ACVR1: variants seen among roughly 807,000 people sequenced by gnomAD.
ACVR1 encodes the protein activin A receptor type 1, also known as activin receptor type-1.
Under a neutral mutation model 57.1 loss-of-function variants are expected in ACVR1, and 38 were observed. The observed-to-expected ratio is 0.67, with a 90% CI of 0.51 to 0.87. The LOEUF (loss-of-function observed/expected upper bound fraction) is 0.87, where lower values mean the gene tolerates loss of function less well. Ranked by LOEUF, ACVR1 falls within the 40% of genes least tolerant of loss-of-function variation. ACVR1 has a pLI of 0.00. For synonymous variants in ACVR1, 212 were observed against 228.1 expected, an observed-to-expected ratio of 0.93 and a Z score of 0.63; for missense variants, 463 against 638.2, an observed-to-expected ratio of 0.73 and a Z score of 2.96.
intron 3 of ACVR1, among the ~76,000 whole-genome samples, chr2:157,783,662 T>C (rs896383400): frequency 7.9e-5 from 12 of 152,166 alleles, no homozygotes; most frequent in Admixed American, 2.6e-4. Context: ...AAGACAACTG[T>C]TAATGATACG....
At chr2:157,872,376 G>A (rs1369885996) in intron 1 of ACVR1, among the ~76,000 whole-genome samples, 2 of 152,172 alleles carry the variant, frequency 1.3e-5, no homozygotes, top group Non-Finnish European at 2.9e-5. Flanking sequence ...AAAGGAAGGT[G>A]TCTTAACACT....
At chr2:157,868,118 G>A (rs925987450) in intron 1 of ACVR1, among the ~76,000 whole-genome samples, 3 of 152,024 alleles carry the variant, frequency 2.0e-5, no homozygotes, top group African/African-American at 7.2e-5. Context: ...TGTTCCTTTC[G>A]GTTGTCTAAG....
intron 1 of ACVR1, among the ~76,000 whole-genome samples, chr2:157,846,591 G>C (rs1689133049): frequency 6.6e-6 from 1 of 152,074 alleles, no homozygotes. Context: ...CCATATGAAG[G>C]AATCAGAGAG....
chr2:157,871,835 T>C (rs1301516706), intron 1 of ACVR1, among the ~76,000 whole-genome samples: 3 of 152,226 alleles, frequency 2.0e-5, no homozygotes, highest in Non-Finnish European at 4.4e-5. Flanking sequence ...AATATCTTAT[T>C]AGTTAATTTT....
At chr2:157,832,300 T>G (rs1260127420) in intron 1 of ACVR1, among the ~76,000 whole-genome samples, 1 of 152,128 alleles carries the variant, frequency 6.6e-6, no homozygotes, top group Non-Finnish European at 1.5e-5. Flanking sequence ...ATAATTAAAA[T>G]GAAATTAAAT....
At chr2:157,857,047 A>T (rs1471014660) in intron 1 of ACVR1, among the ~76,000 whole-genome samples, 2 of 152,006 alleles carry the variant, frequency 1.3e-5, no homozygotes, top group African/African-American at 4.8e-5. Flanking sequence ...AAAAATACAA[A>T]AATTAGCCAG....
Position 157,737,552 on chromosome 2 carries a change from G to T in ACVR1, c.1509C>A (p.Asp503Glu). Residue 503 changes from aspartate (D) to glutamate (E), a missense_variant, in exon 11 of 11, where the codon GAC (aspartate) becomes GAA (glutamate). This residue lies in a region of ACVR1 where 146 missense variants were observed against 186.6 expected (regional missense o/e 0.78). Coordinates refer to ENST00000434821, the MANE Select transcript of ACVR1 (RefSeq NM_001111067.4). ...AATGTCAACAGTCAGTTTTCAATTT[G>T]TCGAGGGAATTATCAATTTTGGTCA... ...KTLTKIDNSL[D>E]KLKTDC 1.2e-6 allele frequency: 2 copies of T among 1,614,032 alleles called. No homozygotes were observed. Among genetic ancestry groups the T allele is most frequent in the African/African-American group, 2.7e-5 (2 of 75,008 alleles).
At position 157,873,575 on chromosome 2, in the gene ACVR1, T is replaced by C. The variant is rs184832231; in HGVS notation, c.-183+2221A>G. On this transcript the variant is annotated intron_variant, in intron 1 of 10. Transcript: ENST00000434821. ...CAGACTACAGCTCCCAGCCCCAGCA[T>C]TGATTCCATCTTCACCTCATGACCT... Among the ~76,000 whole-genome samples the C allele has an allele frequency of 2.4e-3, 362 of 152,332 alleles. 2 individuals carry two copies. Among genetic ancestry groups the C allele is most frequent in the Admixed American group, 5.3e-3 (81 of 15,294 alleles).
chr2:157,874,192 A>G (rs1325870948), intron 1 of ACVR1, among the ~76,000 whole-genome samples: 4 of 152,258 alleles, frequency 2.6e-5, no homozygotes, highest in Non-Finnish European at 5.9e-5. Context: ...CATAAGGGGT[A>G]ATAGCAGAAA....
chr2:157,766,834 G>A (rs1685880771), intron 7 of ACVR1, among the ~76,000 whole-genome samples: 1 of 152,078 alleles, frequency 6.6e-6, no homozygotes, highest in Non-Finnish European at 1.5e-5. Flanking sequence ...ATGTAAAAAC[G>A]AAAACACTAC....
intron 1 of ACVR1, among the ~76,000 whole-genome samples, chr2:157,851,898 CACACACA>C (rs1689320851): frequency 6.8e-5 from 7 of 103,088 alleles, no homozygotes; most frequent in Non-Finnish European, 9.4e-5. Flanking sequence ...CACACACACA[CACACACA>C]CACACCACCC....
chr2:157,797,514 G>C (rs1292468134), intron 3 of ACVR1, among the ~76,000 whole-genome samples: 1 of 152,214 alleles, frequency 6.6e-6, no homozygotes, highest in Admixed American at 6.5e-5. Context: ...GTGCAATAGA[G>C]TAGAGTTTAG....
chr2:157,816,247 A>G (rs1366483731), intron 2 of ACVR1, among the ~76,000 whole-genome samples: 1 of 152,172 alleles, frequency 6.6e-6, no homozygotes, highest in Non-Finnish European at 1.5e-5. Context: ...AGAAGGGAAG[A>G]ACTTTTATCT....
At chr2:157,805,333 T>C (rs1687480257) in intron 2 of ACVR1, among the ~76,000 whole-genome samples, 2 of 152,212 alleles carry the variant, frequency 1.3e-5, no homozygotes. Context: ...CTCTTCTCAA[T>C]TCAATTTCTA....
At chr2:157,841,697 T>C (rs1032239343) in intron 1 of ACVR1, among the ~76,000 whole-genome samples, 1 of 152,058 alleles carries the variant, frequency 6.6e-6, no homozygotes, top group South Asian at 2.1e-4. Context: ...CATTCCAGCC[T>C]GGACAACATG....
At chr2:157,874,704 C>T (rs1690221284) in intron 1 of ACVR1, among the ~76,000 whole-genome samples, 1 of 152,170 alleles carries the variant, frequency 6.6e-6, no homozygotes, top group Non-Finnish European at 1.5e-5. Flanking sequence ...GGACAGGATT[C>T]TTTAAAACCA....
intron 8 of ACVR1, among the ~76,000 whole-genome samples, chr2:157,764,528 G>A (rs1685792247): frequency 6.6e-6 from 1 of 151,932 alleles, no homozygotes; most frequent in African/African-American, 2.4e-5. Flanking sequence ...TGTTATGCAA[G>A]TTTCTAACAA....
At chr2:157,794,184 G>A (rs1275260762) in intron 3 of ACVR1, among the ~76,000 whole-genome samples, 2 of 152,100 alleles carry the variant, frequency 1.3e-5, no homozygotes, top group African/African-American at 4.8e-5. Context: ...TGGAGGTTCT[G>A]CCTTCACCCT....
chr2:157,781,164 C>A (rs999298901), intron 3 of ACVR1, among the ~76,000 whole-genome samples: 1 of 152,226 alleles, frequency 6.6e-6, no homozygotes, highest in Non-Finnish European at 1.5e-5. Context: ...ATGTTTGAGA[C>A]CAGAAAAGTT....
Sources: allele counts gnomAD v4.1 joint callset (sites outside exome capture counted in the v4.1 genomes callset), GRCh38; gene constraint gnomAD v4.1.1; regional missense constraint gnomAD v4.1.1; transcripts MANE v1.5; gene names NCBI Gene and HGNC (gene_info 2026-07-23, HGNC 2026-07-21).